Variants in DACH1 observed in about 807,000 individuals in gnomAD.
The protein encoded by DACH1 is dachshund homolog 1.
A neutral mutation model predicts 54.2 loss-of-function variants in DACH1; 12 were observed. That is an observed-to-expected ratio of 0.22 (90% CI 0.14 to 0.36). The LOEUF (loss-of-function observed/expected upper bound fraction) is 0.36. DACH1 is among the 10% of genes least tolerant of loss of function. DACH1 has a pLI of 1.00. For synonymous variants in DACH1, 386 were observed against 366.2 expected, an observed-to-expected ratio of 1.05 and a Z score of -0.62; for missense variants, 805 against 929.8, an observed-to-expected ratio of 0.87 and a Z score of 1.75.
At chr13:71,675,151 G>A in intron 2 of DACH1, 1 of 1,579,018 alleles carries the variant, frequency 6.3e-7, no homozygotes, top group Non-Finnish European at 8.7e-7. Context: ...TCGCAAGAGT[G>A]CGCCCTCTAC....
intron 1 of DACH1, among the ~76,000 whole-genome samples, chr13:71,843,229 C>T (rs1052103564): frequency 1.3e-5 from 2 of 152,074 alleles, no homozygotes; most frequent in South Asian, 2.1e-4. Context: ...TATCCTATTA[C>T]ACTTTTTAAG....
intron 1 of DACH1, among the ~76,000 whole-genome samples, chr13:71,773,543 T>A (rs1168183521): frequency 6.6e-6 from 1 of 152,000 alleles, no homozygotes; most frequent in Non-Finnish European, 1.5e-5. Context: ...TTGGTAACGA[T>A]CACTAACACT....
intron 10 of DACH1, among the ~76,000 whole-genome samples, chr13:71,448,323 GTC>G (rs1874655597): frequency 6.6e-6 from 1 of 152,148 alleles, no homozygotes. Flanking sequence ...AGCCGTGTGT[GTC>G]TCTCAACATA....
intron 1 of DACH1, among the ~76,000 whole-genome samples, chr13:71,755,902 C>T (rs937683924): frequency 2.0e-5 from 3 of 151,978 alleles, no homozygotes; most frequent in African/African-American, 7.3e-5. Context: ...GAATATTCAT[C>T]ATAGACCATT....
intron 6 of DACH1, among the ~76,000 whole-genome samples, chr13:71,497,275 A>G (rs1879513056): frequency 6.6e-6 from 1 of 152,120 alleles, no homozygotes; most frequent in African/African-American, 2.4e-5. Flanking sequence ...CATTTTGGAA[A>G]CTTGGCTTCA....
At chr13:71,557,320 T>TA (rs1260546716) in intron 5 of DACH1, among the ~76,000 whole-genome samples, 162 bp from the exon 6 acceptor site, 2 of 152,148 alleles carry the variant, frequency 1.3e-5, no homozygotes, top group Admixed American at 1.3e-4. Context: ...AACACTGTGA[T>TA]AACTGATAAA....
At chr13:71,698,120 A>C (rs1371473120) in intron 1 of DACH1, among the ~76,000 whole-genome samples, 1 of 152,270 alleles carries the variant, frequency 6.6e-6, no homozygotes, top group East Asian at 1.9e-4. Context: ...AAAACCCGGG[A>C]GGTGCAAGTT....
chr13:71,610,393 C>T (rs962924811), intron 3 of DACH1, among the ~76,000 whole-genome samples: 1 of 152,078 alleles, frequency 6.6e-6, no homozygotes. Flanking sequence ...GATGTTTCTA[C>T]CCCTCGTTCA....
At chr13:71,612,345 A>T (rs576059671) in intron 3 of DACH1, among the ~76,000 whole-genome samples, 12 of 152,254 alleles carry the variant, frequency 7.9e-5, no homozygotes, top group African/African-American at 2.6e-4. Flanking sequence ...TTCCATTCCA[A>T]ACGGCTGTAA....
intron 1 of DACH1, among the ~76,000 whole-genome samples, chr13:71,741,309 C>T (rs534855066): frequency 6.6e-6 from 1 of 152,146 alleles, no homozygotes; most frequent in African/African-American, 2.4e-5. Context: ...AGAAAAATGC[C>T]CACAAGGAAA....
chr13:71,447,822 A>C (rs921834037), intron 10 of DACH1, among the ~76,000 whole-genome samples: 3 of 152,098 alleles, frequency 2.0e-5, no homozygotes, highest in Non-Finnish European at 4.4e-5. Flanking sequence ...AAAAAAAAAA[A>C]AAAACCCACT....
At chr13:71,584,447 A>G (rs2138441986) in intron 3 of DACH1, among the ~76,000 whole-genome samples, 1 of 152,296 alleles carries the variant, frequency 6.6e-6, no homozygotes, top group South Asian at 2.1e-4. Context: ...ACATACCAAT[A>G]AACAATAATG....
At chr13:71,705,762 T>C (rs1882409661) in intron 1 of DACH1, among the ~76,000 whole-genome samples, 1 of 152,098 alleles carries the variant, frequency 6.6e-6, no homozygotes, top group Admixed American at 6.5e-5. Context: ...TTCTTTTTTT[T>C]TTTAGAATCA....
At chr13:71,812,302 A>G (rs1277063733) in intron 1 of DACH1, among the ~76,000 whole-genome samples, 1 of 152,106 alleles carries the variant, frequency 6.6e-6, no homozygotes, top group Non-Finnish European at 1.5e-5. Context: ...GTACATTCTG[A>G]TATGTTTTAT....
chr13:71,723,839 T>G (rs1453448565), intron 1 of DACH1, among the ~76,000 whole-genome samples: 1 of 152,034 alleles, frequency 6.6e-6, no homozygotes, highest in Non-Finnish European at 1.5e-5. Flanking sequence ...TACAGGCAAG[T>G]GCCACCATAC....
intron 10 of DACH1, among the ~76,000 whole-genome samples, chr13:71,444,426 C>G (rs372272178): frequency 6.6e-6 from 1 of 151,856 alleles, no homozygotes; most frequent in East Asian, 1.9e-4. Flanking sequence ...TTAAAAAATA[C>G]GCAATGTTTC....
intron 6 of DACH1, among the ~76,000 whole-genome samples, chr13:71,531,885 A>G (rs1882439811): frequency 6.6e-6 from 1 of 151,900 alleles, no homozygotes. Flanking sequence ...TAAAATAAAT[A>G]TTATATTTTT....
At chr13:71,691,279 A>C (rs1881464022) in intron 1 of DACH1, among the ~76,000 whole-genome samples, 1 of 152,140 alleles carries the variant, frequency 6.6e-6, no homozygotes, top group Non-Finnish European at 1.5e-5. Flanking sequence ...TGCTTTTCCA[A>C]ATGTTTTTGT....
At chr13:71,584,577 C>T (rs984961342) in intron 3 of DACH1, among the ~76,000 whole-genome samples, 1 of 151,994 alleles carries the variant, frequency 6.6e-6, no homozygotes, top group Non-Finnish European at 1.5e-5. Flanking sequence ...AAGAATAGAA[C>T]TTGGCTTAAT....
Sources: allele counts gnomAD v4.1 joint callset (sites outside exome capture counted in the v4.1 genomes callset), GRCh38; gene constraint gnomAD v4.1.1; transcripts MANE v1.5; gene names NCBI Gene and HGNC (gene_info 2026-07-23, HGNC 2026-07-21).